The following AFF3 variants were observed in gnomAD, a reference collection of about 807,000 sequenced individuals.
AFF3 encodes AF4/FMR2 family member 3.
Under a neutral mutation model 129.7 loss-of-function variants are expected in AFF3, and 32 were observed. That is an observed-to-expected ratio of 0.25 (90% CI 0.19 to 0.33). The LOEUF is 0.33. AFF3 is among the 10% of genes least tolerant of loss of function. The probability of loss-of-function intolerance (pLI) is 1.00; values close to 1 mark genes in which losing one functional copy is unlikely to be tolerated. For synonymous variants in AFF3, 644 were observed against 635.4 expected (o/e 1.01, Z -0.20); for missense variants, 1,373 against 1,592.0 (o/e 0.86, Z 2.34).
At chr2:100,001,611 T>C (rs1681425287) in intron 7 of AFF3, among the ~76,000 whole-genome samples, 1 of 152,160 alleles carries the variant, frequency 6.6e-6, no homozygotes, top group Non-Finnish European at 1.5e-5. Context: ...GTATTTTTAG[T>C]AGACACGAGG....
chr2:99,895,572 C>T (rs1398755326), intron 7 of AFF3, among the ~76,000 whole-genome samples: 3 of 152,056 alleles, frequency 2.0e-5, no homozygotes, highest in Non-Finnish European at 4.4e-5. Flanking sequence ...AGGATCTTAC[C>T]CCTGATAAAG....
chr2:99,553,537 G>GAT (rs1442970809), intron 24 of AFF3, among the ~76,000 whole-genome samples: 1 of 152,074 alleles, frequency 6.6e-6, no homozygotes, highest in African/African-American at 2.4e-5. Context: ...AGCATATGTT[G>GAT]ATATATATAA....
At chr2:99,691,032 C>T (rs2104661583) in intron 11 of AFF3, among the ~76,000 whole-genome samples, 1 of 152,170 alleles carries the variant, frequency 6.6e-6, no homozygotes, top group East Asian at 1.9e-4. Flanking sequence ...CATTTGCCCT[C>T]ATGTCTAGGG....
At chr2:100,111,627 T>C (rs1691513180) in intron 2 of AFF3, among the ~76,000 whole-genome samples, 1 of 152,240 alleles carries the variant, frequency 6.6e-6, no homozygotes, top group Admixed American at 6.5e-5. Flanking sequence ...CCTTGCCACA[T>C]ACACAAAAAT....
In AFF3 at chr2:99,601,479, T is replaced by C. The variant is rs759963725; in HGVS notation, c.1327A>G (p.Ser443Gly). The C allele has an allele frequency of 2.2e-5, 35 of 1,610,398 alleles. No homozygotes were observed. Among genetic ancestry groups the C allele is most frequent in the Non-Finnish European group, 2.9e-5 (34 of 1,178,654 alleles). Residue 443 changes from serine (S) to glycine (G), a missense_variant, in exon 14 of 25, where the codon AGC (serine) becomes GGC (glycine). Ser to Gly is a moderately conservative substitution (Grantham distance 56). Transcript: ENST00000672756. ...GGGGGCTTGCTGCCCTCACTCTCGC[T>C]GGAGCTGCTCTCGGTCTCCGAGTCA... ...GSDSETESSS[S>G]ESEGSKPPHF... is the part of the protein sequence containing the mutation.
intron 10 of AFF3, among the ~76,000 whole-genome samples, chr2:99,736,197 G>A (rs72952225): frequency 8.2e-4 from 125 of 152,266 alleles, no homozygotes; most frequent in African/African-American, 2.9e-3. Flanking sequence ...TTATACAACA[G>A]TTACGAATTT....
At chr2:99,743,018 C>T (rs1050560406) in intron 10 of AFF3, among the ~76,000 whole-genome samples, 18 of 152,194 alleles carry the variant, frequency 1.2e-4, no homozygotes, top group African/African-American at 3.6e-4. Flanking sequence ...GCGATGCTGA[C>T]GTCTGTATAC....
rs780402666 is a variant in AFF3, at chr2:99,593,306, C to T, written c.2355G>A (p.Glu785=). The T allele has an allele frequency of 1.2e-5, 20 of 1,614,124 alleles. No individual in the cohort carries two copies. In the South Asian group the frequency reaches 2.1e-4, roughly 17 times the overall value. The stretch of plus-strand genomic sequence containing the variant: ...TGGCAGGGGCGCTCAATACCCCTGG[C>T]TCCTGGGGCAGGTGTTCTGGGATCC... ...LSRIPEHLPQ[E]PGVLSAPATK... is the part of the protein sequence containing the mutation. The change falls in exon 15 of 25, where the codon GAG becomes GAA. Residue 785 remains glutamate, a synonymous_variant. Coordinates refer to ENST00000672756, the MANE Select transcript of AFF3 (RefSeq NM_001386135.1).
rs565461238 is a variant in AFF3 at position 99,568,775 on chromosome 2, A to T, written c.2982+77T>A. On this transcript the variant is annotated intron_variant, in intron 19 of 24. Coordinates refer to ENST00000672756, the MANE Select transcript of AFF3 (RefSeq NM_001386135.1). ...TTGTAATAGATTTTATAATTACCCC[A>T]GCTATATTGTCCCAGTGATGAAGCT... 3 of 1,369,922 alleles carry T rather than the reference A, an allele frequency of 2.2e-6. No homozygotes were observed. The Admixed American group carries it at 5.1e-5, about 23-fold the overall frequency. The allele number at this position is 1,369,922 out of a possible 1,614,324, so 84.9% of individuals were successfully genotyped here.
intron 8 of AFF3, among the ~76,000 whole-genome samples, chr2:99,756,733 C>T (rs528501573): frequency 6.6e-6 from 1 of 152,228 alleles, no homozygotes; most frequent in Non-Finnish European, 1.5e-5. Context: ...ATAGCTAACA[C>T]TCTCAAAGAA....
Position 100,078,056 on chromosome 2 carries a change from A to C in AFF3, c.53+26346T>G, listed in dbSNP as rs1688728907. On this transcript the variant is annotated intron_variant, in intron 4 of 24. Transcript: ENST00000672756. ...CAGTTCCCTTGGCAAATTTTCCTTTAAAATGAATATTTCAATTAGTAAACT... is the reference window on the plus strand; with the variant it reads ...CAGTTCCCTTGGCAAATTTTCCTTTCAAATGAATATTTCAATTAGTAAACT... Among the ~76,000 whole-genome samples the C allele has an allele frequency of 2.0e-5, 3 of 152,314 alleles. No individual in the cohort carries two copies. In the South Asian group the frequency reaches 6.2e-4, roughly 32 times the overall value.
chr2:100,061,865 G>GT, intron 4 of AFF3, among the ~76,000 whole-genome samples: 1 of 150,438 alleles, frequency 6.6e-6, no homozygotes, highest in Middle Eastern at 3.4e-3. Context: ...GGAGGGGGGG[G>GT]GGGTGCCGAC....
chr2:99,984,236 A>C (rs1487356322), intron 7 of AFF3, among the ~76,000 whole-genome samples: 2 of 152,228 alleles, frequency 1.3e-5, no homozygotes, highest in Non-Finnish European at 2.9e-5. Context: ...CAATGTATCC[A>C]AGATTGATAT....
At position 99,814,909 on chromosome 2, in the gene AFF3, G is replaced by A. The variant is rs1045808665; in HGVS notation, c.921+22568C>T. On this transcript the variant is annotated intron_variant, in intron 8 of 24. Transcript: ENST00000672756. ...CTGTCACCCAGGATGGAGTGCAGTG[G>A]CGTGATCTTGGCTCACTGCAACCTC... Among the ~76,000 whole-genome samples the A allele has an allele frequency of 4.6e-5, 7 of 151,524 alleles. No individual in the cohort carries two copies. In the East Asian group the frequency reaches 1.4e-3, roughly 29 times the overall value.
rs558947559 is a variant in AFF3, at chr2:99,823,750, A to T, written c.921+13727T>A. Among the ~76,000 whole-genome samples the T allele has an allele frequency of 1.2e-4, 19 of 152,356 alleles. No individual in the cohort carries two copies. The South Asian group carries it at 2.5e-3, about 20-fold the overall frequency. On this transcript the variant is annotated intron_variant, in intron 8 of 24. Coordinates refer to ENST00000672756, the MANE Select transcript of AFF3 (RefSeq NM_001386135.1). ...GAGAAAGAAAACGTGGCACGTGTAC[A>T]CCATGGAATACTACGCAGCCACACA...
At chr2:100,104,099 T>C (rs549886747) in intron 4 of AFF3, among the ~76,000 whole-genome samples, 1 of 151,988 alleles carries the variant, frequency 6.6e-6, no homozygotes, top group African/African-American at 2.4e-5. Flanking sequence ...TGACACAGTC[T>C]TCAAATCGCT....
At chr2:99,805,994 T>G (rs1239989677) in intron 8 of AFF3, among the ~76,000 whole-genome samples, 1 of 152,076 alleles carries the variant, frequency 6.6e-6, no homozygotes, top group Non-Finnish European at 1.5e-5. Flanking sequence ...AAATGACAAC[T>G]TATTCTTGGA....
chr2:100,088,831 T>C (rs980477765), intron 4 of AFF3, among the ~76,000 whole-genome samples: 2 of 152,226 alleles, frequency 1.3e-5, no homozygotes, highest in African/African-American at 4.8e-5. Context: ...TATTTTTACT[T>C]TGGCCAGTCT....
intron 7 of AFF3, among the ~76,000 whole-genome samples, chr2:99,951,432 T>C (rs1676153725): frequency 6.6e-6 from 1 of 152,152 alleles, no homozygotes; most frequent in Non-Finnish European, 1.5e-5. Flanking sequence ...ACTGACATCA[T>C]GAAATCCCGT....
Sources: allele counts gnomAD v4.1 joint callset (sites outside exome capture counted in the v4.1 genomes callset), GRCh38; gene constraint gnomAD v4.1.1; transcripts MANE v1.5; gene names NCBI Gene and HGNC (gene_info 2026-07-23, HGNC 2026-07-21).